DOCK8: variants seen among roughly 807,000 people sequenced by gnomAD.
DOCK8 encodes dedicator of cytokinesis protein 8.
A neutral mutation model predicts 245.6 loss-of-function variants in DOCK8; 141 were observed. That is an observed-to-expected ratio of 0.57 (90% confidence interval 0.50 to 0.66). DOCK8 has a LOEUF of 0.66. Among genes scored for constraint, DOCK8 ranks in the 30% least tolerant of loss-of-function variants. The probability of loss-of-function intolerance (pLI) is 0.00; values close to 1 mark genes in which losing one functional copy is unlikely to be tolerated. For synonymous variants in DOCK8, 1,168 were observed against 970.2 expected (o/e 1.20, Z -3.79); for missense variants, 2,965 against 2,603.4 (o/e 1.14, Z -3.02).
chr9:428,567 C>T, intron 35 of DOCK8, 71 bp downstream of exon 35: 1 of 1,581,140 alleles, frequency 6.3e-7, no homozygotes, highest in Non-Finnish European at 8.7e-7. Context: ...ATACTTCTCT[C>T]TTCAGGTGGA....
Position 444,046 on chromosome 9 carries a change from G to A in DOCK8, c.5580+530G>A, listed in dbSNP as rs867853039. ...CAAGTATTCCTTCCATCCAAGTCCG[G>A]GATCACTGTGCTGTTGGGGGAATGG... On this transcript the variant is annotated intron_variant, in intron 43 of 47. Coordinates refer to ENST00000432829, the MANE Select transcript of DOCK8 (RefSeq NM_203447.4). Among the ~76,000 whole-genome samples, 5 of 152,230 alleles carry A rather than the reference G, an allele frequency of 3.3e-5. No homozygotes were observed. The Middle Eastern group carries it at 0.01, about 311-fold the overall frequency.
chr9:342,442 G>A (rs907044636), intron 14 of DOCK8, among the ~76,000 whole-genome samples: 1 of 145,042 alleles, frequency 6.9e-6, no homozygotes, highest in South Asian at 2.3e-4. Context: ...TCATGTAAAG[G>A]TTTGTGGGTT....
intron 26 of DOCK8, among the ~76,000 whole-genome samples, chr9:399,997 T>TCCACCATCACCACCATCA (rs1554691485): frequency 1.7e-5 from 1 of 57,844 alleles, no homozygotes; most frequent in Non-Finnish European, 3.2e-5. Flanking sequence ...TCCCACCACC[T>TCCACCATCACCACCATCA]CCACCACCTC....
At chr9:256,133 G>A (rs2047767661) in intron 1 of DOCK8, among the ~76,000 whole-genome samples, 1 of 152,168 alleles carries the variant, frequency 6.6e-6, no homozygotes, top group South Asian at 2.1e-4. Flanking sequence ...TTTTATTAAG[G>A]ATACAGTATT....
At chr9:284,716 G>C (rs2048738445) in intron 2 of DOCK8, 3 of 152,290 alleles carry the variant, frequency 2.0e-5, no homozygotes, top group East Asian at 1.9e-4. Context: ...TGACAGATTG[G>C]ATGCAGAAAA....
intron 23 of DOCK8, among the ~76,000 whole-genome samples, chr9:388,345 C>T (rs1191181701): frequency 6.6e-6 from 1 of 152,174 alleles, no homozygotes; most frequent in Non-Finnish European, 1.5e-5. Flanking sequence ...CCTCACAAAA[C>T]GAAGTGAAAC....
At chr9:396,747 A>AAG in intron 24 of DOCK8, 38 bp from the exon 25 acceptor site, 2 of 1,613,870 alleles carry the variant, frequency 1.2e-6, no homozygotes, top group South Asian at 1.1e-5. Context: ...GCAGGTCACC[A>AAG]ATCTCCATGT....
intron 2 of DOCK8, chr9:284,591 GGT>G (rs2048731376): frequency 6.6e-6 from 1 of 152,072 alleles, no homozygotes; most frequent in Non-Finnish European, 1.5e-5. Context: ...CTCATTACTC[GGT>G]ATATAGCCAG....
chr9:222,291 A>G (rs534352515), intron 1 of DOCK8, among the ~76,000 whole-genome samples: 3 of 151,970 alleles, frequency 2.0e-5, no homozygotes, highest in Non-Finnish European at 4.4e-5. Context: ...ACCAAAAGAG[A>G]TAGGTTCTGA....
chr9:410,279 C>A (rs2055661296), intron 28 of DOCK8, among the ~76,000 whole-genome samples: 1 of 152,100 alleles, frequency 6.6e-6, no homozygotes, highest in African/African-American at 2.4e-5. Context: ...CTCAAGTAAC[C>A]ACTATTCTGA....
chr9:223,613 T>A (rs1536608), intron 1 of DOCK8, among the ~76,000 whole-genome samples: 1 of 151,612 alleles, frequency 6.6e-6, no homozygotes, highest in Admixed American at 6.6e-5. Context: ...AAACTTGGTG[T>A]TTTAAAATCT....
At chr9:319,583 G>A (rs999965167) in intron 7 of DOCK8, among the ~76,000 whole-genome samples, 2 of 151,930 alleles carry the variant, frequency 1.3e-5, no homozygotes, top group African/African-American at 4.8e-5. Flanking sequence ...AAAATATAAG[G>A]GTAATATTAA....
intron 4 of DOCK8, among the ~76,000 whole-genome samples, chr9:290,271 T>G (rs112174060): frequency 0.013 from 1,941 of 144,070 alleles, 20 homozygotes; most frequent in South Asian, 0.044. Context: ...ATTATGAGGT[T>G]TTTTTTTTTG....
At chr9:390,683 G>C (rs2054152516) in intron 24 of DOCK8, 117 bp downstream of exon 24, 2 of 913,602 alleles carry the variant, frequency 2.2e-6, no homozygotes, top group African/African-American at 3.3e-5. Flanking sequence ...GTGGTTTCTT[G>C]AAATCTAATA....
rs765205994 is a variant in DOCK8 at position 312,143 on chromosome 9, G to A, written c.718G>A (p.Ala240Thr). The change falls in exon 6 of 48, where the codon GCC (alanine) becomes ACC (threonine). Residue 240 changes from alanine to threonine, a missense_variant. Around this residue, in one of 3 missense-constraint regions of DOCK8, gnomAD observed 2,825 missense variants for 2,453.5 expected, o/e 1.15. Coordinates refer to ENST00000432829, the MANE Select transcript of DOCK8 (RefSeq NM_203447.4). ...GACCAATAGGCAGGCCGAGCTCTTT[G>A]CCCTTTACCCATCAGTGGACGAGGT... Reference protein sequence around the residue: ...RRTNRQAELFALYPSVDEEDA... With the variant: ...RRTNRQAELFTLYPSVDEEDA... 1 of 1,614,188 alleles carries A rather than the reference G, an allele frequency of 6.2e-7. No individual in the cohort carries two copies. The highest frequency in any genetic ancestry group is 2.2e-5 in the East Asian group (1 of 44,892).
Position 390,573 on chromosome 9 carries a change from T to A in DOCK8, c.2970+7T>A. 1 of 1,613,458 alleles carries A rather than the reference T, an allele frequency of 6.2e-7. No homozygotes were observed. The highest frequency in any genetic ancestry group is 8.5e-7 in the Non-Finnish European group (1 of 1,179,384). ...GTTCTTCTTTGAGCTTCTGGTGAGATTCTTGCGCGTTTGTATCTGTGCTCA... is the reference window on the plus strand; with the variant it reads ...GTTCTTCTTTGAGCTTCTGGTGAGAATCTTGCGCGTTTGTATCTGTGCTCA... On this transcript the variant is annotated splice_region_variant and intron_variant, in intron 24 of 47. Coordinates refer to ENST00000432829, the MANE Select transcript of DOCK8 (RefSeq NM_203447.4).
At chr9:261,374 C>G (rs2047914155) in intron 1 of DOCK8, among the ~76,000 whole-genome samples, 1 of 152,106 alleles carries the variant, frequency 6.6e-6, no homozygotes, top group African/African-American at 2.4e-5. Flanking sequence ...GAAAGATATG[C>G]TTAAAATTAT....
chr9:386,607 T>A (rs1023257250), intron 23 of DOCK8, among the ~76,000 whole-genome samples, 181 bp downstream of exon 23: 1 of 152,324 alleles, frequency 6.6e-6, no homozygotes, highest in East Asian at 1.9e-4. Flanking sequence ...GACCACCTAA[T>A]TGCCCATTAA....
Position 452,077 on chromosome 9 carries a change from CACA to C in DOCK8, c.6033_6035del (p.Asn2011del), listed in dbSNP as rs1189697701. ...TGCTGATCCAAAACTCTATCGACAT[CACA>C]ACAAGTTGAGGTTATGCTTTAAGGA... On this transcript the variant is annotated inframe_deletion, in exon 46 of 48. Transcript: ENST00000432829. 8 of 1,599,144 alleles carry C rather than the reference CACA, an allele frequency of 5.0e-6. No individual in the cohort carries two copies. The highest frequency in any genetic ancestry group is 6.8e-6 in the Non-Finnish European group (8 of 1,172,366).
Sources: allele counts gnomAD v4.1 joint callset (sites outside exome capture counted in the v4.1 genomes callset), GRCh38; gene constraint gnomAD v4.1.1; regional missense constraint gnomAD v4.1.1; transcripts MANE v1.5; gene names NCBI Gene and HGNC (gene_info 2026-07-23, HGNC 2026-07-21).